The following SPAG17 variants were observed in gnomAD, a reference collection of about 807,000 sequenced individuals.
SPAG17 encodes the protein sperm-associated antigen 17.
A neutral mutation model predicts 273.6 loss-of-function variants in SPAG17; 169 were observed. That is an observed-to-expected ratio of 0.62 (90% CI 0.55 to 0.70). The LOEUF (loss-of-function observed/expected upper bound fraction) is 0.70, where lower values mean the gene tolerates loss of function less well. SPAG17 is among the 30% of genes least tolerant of loss of function. The probability of loss-of-function intolerance (pLI) is 0.00; values close to 1 mark genes in which losing one functional copy is unlikely to be tolerated. For missense variants in SPAG17, 2,557 were observed against 2,627.8 expected (o/e 0.97, Z 0.59); for synonymous variants, 825 against 873.2 (o/e 0.94, Z 0.97).
At chr1:117,995,596 A>C (rs1490681008) in intron 34 of SPAG17, among the ~76,000 whole-genome samples, 2 of 151,982 alleles carry the variant, frequency 1.3e-5, no homozygotes, top group Non-Finnish European at 2.9e-5. Flanking sequence ...TGTCATGCAC[A>C]TGTGCATTGA....
intron 4 of SPAG17, among the ~76,000 whole-genome samples, chr1:118,102,783 G>A (rs1239369130): frequency 6.6e-6 from 1 of 152,216 alleles, no homozygotes; most frequent in African/African-American, 2.4e-5. Context: ...TCACTGAAAT[G>A]TTGTGGCAGT....
At position 117,966,711 on chromosome 1, in the gene SPAG17, CA is replaced by C; in HGVS notation, c.6429del (p.Phe2143LeufsTer23). The C allele has an allele frequency of 6.2e-7, 1 of 1,613,954 alleles. No homozygotes were observed. The highest frequency in any genetic ancestry group is 8.5e-7 in the Non-Finnish European group (1 of 1,179,950). ...GMQTELNIELFATAVGEDGAK... is the reference protein window; with the variant it reads ...GMQTELNIELXATAVGEDGAK... ...GCCCCATCCTCTCCAACAGCTGTGG[CA>C]AATAACTCTATATTCAGTTCTGTCT... On this transcript the variant is annotated frameshift_variant, in exon 47 of 49. Coordinates refer to ENST00000336338, the MANE Select transcript of SPAG17 (RefSeq NM_206996.4). LOFTEE classifies it high-confidence loss of function.
intron 5 of SPAG17, 45 bp from the exon 6 acceptor site, chr1:118,099,845 G>C (rs200940444): frequency 4.8e-5 from 75 of 1,575,762 alleles, no homozygotes; most frequent in Non-Finnish European, 5.9e-5. Flanking sequence ...TTGTAAAAGA[G>C]AGCAGGTTGC....
In SPAG17 at chr1:118,129,528, A is replaced by G. The variant is rs527929621; in HGVS notation, c.316-14087T>C. On this transcript the variant is annotated intron_variant, in intron 3 of 48. Coordinates refer to ENST00000336338, the MANE Select transcript of SPAG17 (RefSeq NM_206996.4). ...ACCATTGTTTTGTACCTGGTTTCTT[A>G]TGTGGCCTTTCATAATAATGTATTT... Among the ~76,000 whole-genome samples, 5 of 152,238 alleles carry G rather than the reference A, an allele frequency of 3.3e-5. No homozygotes were observed. The South Asian group carries it at 1.0e-3, about 32-fold the overall frequency.
Position 117,992,555 on chromosome 1 carries a change from T to C in SPAG17, c.5272A>G (p.Lys1758Glu), listed in dbSNP as rs2101654325. ...CGCATCTGTAGCACACTGGGGCTCT[T>C]GAGTATGGCACCCGGGGCACTCACT... ...QLVSAPGAIL[K>E]SPSVLQMRQF... The change falls in exon 36 of 49, where the codon AAG becomes GAG. Residue 1758 changes from lysine to glutamate, a missense_variant. Coordinates refer to ENST00000336338, the MANE Select transcript of SPAG17 (RefSeq NM_206996.4). 2 of 1,613,842 alleles carry C rather than the reference T, an allele frequency of 1.2e-6. No homozygotes were observed. The highest frequency in any genetic ancestry group is 1.7e-6 in the Non-Finnish European group (2 of 1,179,876).
intron 20 of SPAG17, among the ~76,000 whole-genome samples, chr1:118,045,767 T>A (rs1275817538): frequency 1.3e-5 from 2 of 152,158 alleles, no homozygotes; most frequent in Non-Finnish European, 2.9e-5. Flanking sequence ...AGTGAGTTAA[T>A]CTACGAGGTC....
chr1:117,964,931 G>A (rs1298328720), intron 47 of SPAG17: 10 of 152,030 alleles, frequency 6.6e-5, no homozygotes, highest in African/African-American at 2.4e-5. Flanking sequence ...TTTGGATATT[G>A]CAGTTTCAAT....
At chr1:118,070,253 T>C (rs1417688373) in intron 17 of SPAG17, among the ~76,000 whole-genome samples, 1 of 152,146 alleles carries the variant, frequency 6.6e-6, no homozygotes, top group Non-Finnish European at 1.5e-5. Context: ...AGTCCTAAGA[T>C]TAATTTTAGG....
intron 26 of SPAG17, among the ~76,000 whole-genome samples, chr1:118,027,963 G>A (rs1647952764): frequency 6.6e-6 from 1 of 152,184 alleles, no homozygotes; most frequent in African/African-American, 2.4e-5. Flanking sequence ...TCACTGGGCT[G>A]AGAATGGCAT....
chr1:117,962,598 C>T (rs1201564845), intron 48 of SPAG17: 1 of 150,562 alleles, frequency 6.6e-6, no homozygotes, highest in East Asian at 1.9e-4. Flanking sequence ...AACATTTAGG[C>T]TTATTTTTAA....
intron 48 of SPAG17, chr1:117,959,102 A>G: frequency 7.6e-7 from 1 of 1,314,792 alleles, no homozygotes; most frequent in East Asian, 2.4e-5. Context: ...AATACCCACC[A>G]CCGATAAATC....
rs775968509 is a variant in SPAG17 at position 117,970,041 on chromosome 1, A to T, written c.6387+15T>A. 1 of 1,612,320 alleles carries T rather than the reference A, an allele frequency of 6.2e-7. No homozygotes were observed. The highest frequency in any genetic ancestry group is 1.7e-5 in the Admixed American group (1 of 59,666). The stretch of plus-strand genomic sequence containing the variant: ...TGCACGCAAGCACACACAACAGATG[A>T]CATATAGGACTTACAGGTCCAGGTT... On this transcript the variant is annotated intron_variant, in intron 46 of 48. Transcript: ENST00000336338.
intron 8 of SPAG17, 143 bp downstream of exon 8, chr1:118,093,013 A>G (rs544310305): frequency 3.6e-6 from 3 of 840,062 alleles, no homozygotes; most frequent in Non-Finnish European, 5.3e-6. Context: ...AGCCCCCATC[A>G]TGTAGCTATC....
chr1:118,057,351 T>C (rs1377726529), intron 18 of SPAG17, among the ~76,000 whole-genome samples: 1 of 152,134 alleles, frequency 6.6e-6, no homozygotes, highest in Non-Finnish European at 1.5e-5. Flanking sequence ...GCTCCTACCC[T>C]GGGCCCCCAA....
At chr1:118,168,356 G>A (rs554123380) in intron 1 of SPAG17, among the ~76,000 whole-genome samples, 3 of 152,088 alleles carry the variant, frequency 2.0e-5, no homozygotes, top group Non-Finnish European at 4.4e-5. Flanking sequence ...TTTCAGCAAC[G>A]TTTTCAATAT....
intron 4 of SPAG17, among the ~76,000 whole-genome samples, chr1:118,107,422 A>G (rs1346316957): frequency 1.3e-5 from 2 of 152,114 alleles, no homozygotes; most frequent in Non-Finnish European, 2.9e-5. Context: ...GCATTCCTCT[A>G]GCAAGGCCAA....
intron 3 of SPAG17, among the ~76,000 whole-genome samples, chr1:118,140,906 C>T (rs528395724): frequency 6.6e-6 from 1 of 152,336 alleles, no homozygotes; most frequent in Admixed American, 6.5e-5. Context: ...CTTTGGGCTT[C>T]TCCTGTCTCC....
At chr1:118,076,593 C>T (rs1411647484) in intron 15 of SPAG17, 1 of 151,936 alleles carries the variant, frequency 6.6e-6, no homozygotes, top group African/African-American at 2.4e-5. Flanking sequence ...TTTGATATTC[C>T]CTCCTATGTT....
rs1463661778 is a variant in SPAG17, at chr1:118,095,716, AC to A, written c.1011+1953del. On this transcript the variant is annotated intron_variant, in intron 7 of 48. Coordinates refer to ENST00000336338, the MANE Select transcript of SPAG17 (RefSeq NM_206996.4). Reference sequence around the variant, plus strand: ...ATAGCCTCTTCCCCCTAAATATGTCACTTTTTTTAGTATAATCTAGAGTTTC... The same window carrying A: ...ATAGCCTCTTCCCCCTAAATATGTCATTTTTTTAGTATAATCTAGAGTTTC... Among the ~76,000 whole-genome samples the A allele has an allele frequency of 2.0e-5, 3 of 152,030 alleles. No individual in the cohort carries two copies. The East Asian group carries it at 5.8e-4, about 29-fold the overall frequency.
Sources: allele counts gnomAD v4.1 joint callset (sites outside exome capture counted in the v4.1 genomes callset), GRCh38; gene constraint gnomAD v4.1.1; transcripts MANE v1.5; gene names NCBI Gene and HGNC (gene_info 2026-07-23, HGNC 2026-07-21).